CACNG2: variants seen among roughly 807,000 people sequenced by gnomAD.
The protein encoded by CACNG2 is voltage-dependent calcium channel gamma-2 subunit.
CACNG2 carries 3 observed loss-of-function variants against 25.9 expected under a neutral mutation model. The ratio of observed to expected loss-of-function variants is 0.12; its 90% CI spans 0.05 to 0.30. The LOEUF (loss-of-function observed/expected upper bound fraction) is 0.30. Among genes scored for constraint, CACNG2 ranks in the 10% least tolerant of loss-of-function variants. The pLI is 1.00. For synonymous variants in CACNG2, 167 were observed against 173.3 expected, an observed-to-expected ratio of 0.96 and a Z score of 0.29; for missense variants, 341 against 432.5, an observed-to-expected ratio of 0.79 and a Z score of 1.88.
At chr22:36,594,785 G>A (rs1023851914) in intron 1 of CACNG2, among the ~76,000 whole-genome samples, 1 of 150,430 alleles carries the variant, frequency 6.6e-6, no homozygotes, top group Non-Finnish European at 1.5e-5. Flanking sequence ...GTGTGTGTCT[G>A]TGTGTGTGTC....
At chr22:36,656,522 G>A (rs1936707712) in intron 1 of CACNG2, among the ~76,000 whole-genome samples, 1 of 152,100 alleles carries the variant, frequency 6.6e-6, no homozygotes, top group Non-Finnish European at 1.5e-5. Flanking sequence ...GCTGTAATGG[G>A]CTCCTAACTG....
At chr22:36,647,824 CCT>C (rs1936550830) in intron 1 of CACNG2, among the ~76,000 whole-genome samples, 1 of 152,096 alleles carries the variant, frequency 6.6e-6, no homozygotes, top group African/African-American at 2.4e-5. Context: ...CTCCTAGCTC[CCT>C]GTGTTTTTCC....
chr22:36,685,174 G>A (rs1355475432), intron 1 of CACNG2, among the ~76,000 whole-genome samples: 1 of 152,140 alleles, frequency 6.6e-6, no homozygotes, highest in East Asian at 1.9e-4. Flanking sequence ...GGGCGGCAGG[G>A]GGTGTCTCTC....
chr22:36,665,312 T>G lies in CACNG2; in HGVS notation c.211+37054A>C, dbSNP rs185192657. On this transcript the variant is annotated intron_variant, in intron 1 of 3. Coordinates refer to ENST00000300105, the MANE Select transcript of CACNG2 (RefSeq NM_006078.5). ...TGTTGTGTGACCCTGGGCAGTTTAC[T>G]TAACCCTTCTAGACGTCCCTTTCCT... 3.8e-3 allele frequency among the ~76,000 whole-genome samples: 572 copies of G among 152,336 alleles called. 4 individuals are homozygous for G. The highest frequency in any genetic ancestry group is 0.013 in the African/African-American group (544 of 41,564).
At chr22:36,666,081 G>A (rs1281801175) in intron 1 of CACNG2, among the ~76,000 whole-genome samples, 4 of 152,188 alleles carry the variant, frequency 2.6e-5, no homozygotes, top group African/African-American at 9.7e-5. Flanking sequence ...GAAACTTGAG[G>A]ACATTATGCT....
At chr22:36,694,239 A>G (rs546892919) in intron 1 of CACNG2, among the ~76,000 whole-genome samples, 1 of 152,302 alleles carries the variant, frequency 6.6e-6, no homozygotes, top group African/African-American at 2.4e-5. Context: ...ATTAGAGTGT[A>G]TTTTATAATT....
At chr22:36,585,391 G>T (rs1935485044) in intron 2 of CACNG2, 1 of 152,194 alleles carries the variant, frequency 6.6e-6, no homozygotes, top group Non-Finnish European at 1.5e-5. Flanking sequence ...CTTCTCTCAA[G>T]ATCTAGGTTA....
chr22:36,648,427 G>A (rs909175549), intron 1 of CACNG2, among the ~76,000 whole-genome samples: 3 of 152,164 alleles, frequency 2.0e-5, no homozygotes, highest in Admixed American at 6.5e-5. Flanking sequence ...CGAAATAAAC[G>A]ACCCTCTCTT....
At chr22:36,665,176 G>T (rs1266052967) in intron 1 of CACNG2, among the ~76,000 whole-genome samples, 1 of 152,222 alleles carries the variant, frequency 6.6e-6, no homozygotes, top group Non-Finnish European at 1.5e-5. Flanking sequence ...CCCAGTGTCT[G>T]CCTTTCACAT....
Position 36,563,585 on chromosome 22 carries a change from C to G in CACNG2, c.*766G>C, listed in dbSNP as rs995799109. On this transcript the variant is annotated 3_prime_UTR_variant, in exon 4 of 4. Coordinates refer to ENST00000300105, the MANE Select transcript of CACNG2 (RefSeq NM_006078.5). The stretch of plus-strand genomic sequence containing the variant: ...CCAGGCAAGCCCCAAGTGTACCCCC[C>G]TCCAGGCACCCTAACGGAGAGGAGG... Among the ~76,000 whole-genome samples the G allele has an allele frequency of 2.6e-5, 4 of 152,178 alleles. No homozygotes were observed. The highest frequency in any genetic ancestry group is 7.2e-5 in the African/African-American group (3 of 41,436).
At chr22:36,569,235 A>T (rs1290197835) in intron 2 of CACNG2, among the ~76,000 whole-genome samples, 1 of 152,182 alleles carries the variant, frequency 6.6e-6, no homozygotes, top group Admixed American at 6.5e-5. Context: ...TCCTCATAAC[A>T]GTCCGGCAGG....
At chr22:36,622,494 T>A (rs1213688649) in intron 1 of CACNG2, among the ~76,000 whole-genome samples, 2 of 152,122 alleles carry the variant, frequency 1.3e-5, no homozygotes, top group African/African-American at 4.8e-5. Flanking sequence ...ACTTTTAGAA[T>A]AGGAAAGGAG....
chr22:36,674,640 A>G (rs1218895840), intron 1 of CACNG2, among the ~76,000 whole-genome samples: 2 of 152,214 alleles, frequency 1.3e-5, no homozygotes, highest in Non-Finnish European at 1.5e-5. Context: ...ACACCTGTTG[A>G]TAAGGACTCT....
intron 2 of CACNG2, among the ~76,000 whole-genome samples, chr22:36,575,377 G>T (rs912075741): frequency 4.6e-5 from 7 of 152,176 alleles, no homozygotes; most frequent in African/African-American, 1.7e-4. Flanking sequence ...GTGATCTTGT[G>T]CCTCGGTGGG....
intron 2 of CACNG2, among the ~76,000 whole-genome samples, chr22:36,577,650 G>GAAAAA (rs544986089): frequency 8.7e-6 from 1 of 114,460 alleles, no homozygotes; most frequent in Non-Finnish European, 1.8e-5. Flanking sequence ...CTCCGTCTTG[G>GAAAAA]AAAAAAAAAA....
In CACNG2 at chr22:36,564,809, T is replaced by G; in HGVS notation, c.514A>C (p.Asn172His). 1 of 1,614,164 alleles carries G rather than the reference T, an allele frequency of 6.2e-7. No individual in the cohort carries two copies. Among genetic ancestry groups the G allele is most frequent in the Non-Finnish European group, 8.5e-7 (1 of 1,180,034 alleles). Reference sequence around the variant, plus strand: ...AAGGACCAGCCGTATGAGTAACTATTCTTTTTGGAGTCGCTCTTGGAGGGG... The same window carrying G: ...AAGGACCAGCCGTATGAGTAACTATGCTTTTTGGAGTCGCTCTTGGAGGGG... Reference protein sequence around the residue: ...GDPSKSDSKKNSYSYGWSFYF... With the variant: ...GDPSKSDSKKHSYSYGWSFYF... The change falls in exon 4 of 4, where the codon AAT becomes CAT. Residue 172 changes from asparagine to histidine, a missense_variant. Asn to His is a moderately conservative substitution (Grantham distance 68). Transcript: ENST00000300105. The surrounding 1 kb of genome is among the most constrained non-coding windows in gnomAD (Gnocchi z 6.7).
At position 36,564,999 on chromosome 22, in the gene CACNG2, G is replaced by T; in HGVS notation, c.437-113C>A. On this transcript the variant is annotated intron_variant, in intron 3 of 3. Coordinates refer to ENST00000300105, the MANE Select transcript of CACNG2 (RefSeq NM_006078.5). This position sits in a 1 kb window ranked among gnomAD's most constrained non-coding sequence, Gnocchi z 6.7. Reference sequence around the variant, plus strand: ...GGGGACAGCTGTGTGGGCCTTCCCCGGTCCCGCGCCTTCATGAACAGGTGG... The same window carrying T: ...GGGGACAGCTGTGTGGGCCTTCCCCTGTCCCGCGCCTTCATGAACAGGTGG... 4 of 909,764 alleles carry T rather than the reference G, an allele frequency of 4.4e-6. No individual in the cohort carries two copies. Among genetic ancestry groups the T allele is most frequent in the Non-Finnish European group, 7.1e-6 (4 of 562,120 alleles). The allele number at this position is 909,764 out of a possible 1,614,324, so 56.4% of individuals were successfully genotyped here.
At position 36,639,435 on chromosome 22, in the gene CACNG2, C is replaced by A. The variant is rs1489220551; in HGVS notation, c.212-51887G>T. 2.0e-5 allele frequency among the ~76,000 whole-genome samples: 3 copies of A among 152,062 alleles called. No individual in the cohort carries two copies. The East Asian group carries it at 5.8e-4, about 29-fold the overall frequency. On this transcript the variant is annotated intron_variant, in intron 1 of 3. Coordinates refer to ENST00000300105, the MANE Select transcript of CACNG2 (RefSeq NM_006078.5). ...TTTTGGGTAGAGGGAAGTGTGAGAG[C>A]AAAGAGGGACTTATGTGGGTCTGGG...
chr22:36,582,415 T>TTG (rs1935434004), intron 2 of CACNG2, among the ~76,000 whole-genome samples: 1 of 151,476 alleles, frequency 6.6e-6, no homozygotes, highest in African/African-American at 2.4e-5. Context: ...TCTTTCTTTT[T>TTG]TTTTTTTGAG....
Sources: gnomAD v4.1 joint callset for allele counts (sites outside exome capture counted in the v4.1 genomes callset) on GRCh38, gnomAD v4.1.1 for gene constraint, Gnocchi (gnomAD v3.1) non-coding constraint, MANE v1.5 for transcripts, NCBI Gene and HGNC (gene_info 2026-07-23, HGNC 2026-07-21) for gene names.